Variants in USP40 observed in about 807,000 individuals in gnomAD.
USP40 encodes ubiquitin carboxyl-terminal hydrolase 40.
Under a neutral mutation model 166.2 loss-of-function variants are expected in USP40, and 143 were observed. The observed-to-expected ratio is 0.86, with a 90% confidence interval of 0.75 to 0.99. The LOEUF (loss-of-function observed/expected upper bound fraction) is 0.99. Among genes scored for constraint, USP40 ranks in the 50% least tolerant of loss-of-function variants. The pLI, the probability that USP40 is intolerant of heterozygous loss-of-function variation, is 0.00. For missense variants in USP40, 1,444 were observed against 1,479.7 expected (o/e 0.98, Z 0.40); for synonymous variants, 498 against 524.0 (o/e 0.95, Z 0.68).
chr2:233,541,774 G>C (rs1332943566), intron 9 of USP40, among the ~76,000 whole-genome samples: 1 of 152,138 alleles, frequency 6.6e-6, no homozygotes, highest in Non-Finnish European at 1.5e-5. Context: ...TTATCAGTGA[G>C]TGCTAGGAAT....
chr2:233,549,643 C>CT (rs1273911642), intron 7 of USP40, among the ~76,000 whole-genome samples: 1 of 46,138 alleles, frequency 2.2e-5, no homozygotes, highest in Non-Finnish European at 4.0e-5. Flanking sequence ...AAAATGCATC[C>CT]CCTTTTTTTA....
intron 6 of USP40, among the ~76,000 whole-genome samples, chr2:233,553,148 G>C (rs2070739767): frequency 2.0e-5 from 3 of 152,120 alleles, no homozygotes; most frequent in African/African-American, 7.2e-5. Flanking sequence ...CATAGACATA[G>C]ATACATTTAT....
At position 233,485,986 on chromosome 2, in the gene USP40, GA is replaced by G; in HGVS notation, c.3198-10del. 1 of 1,561,476 alleles carries G rather than the reference GA, an allele frequency of 6.4e-7. No individual in the cohort carries two copies. Among genetic ancestry groups the G allele is most frequent in the Admixed American group, 2.0e-5 (1 of 50,062 alleles). On this transcript the variant is annotated splice_polypyrimidine_tract_variant and intron_variant, in intron 28 of 31. Coordinates refer to ENST00000678225, the MANE Select transcript of USP40 (RefSeq NM_001365479.2). ...GCAGCACGTCCTGGGGGCTGTACCA[GA>G]AAACCGTCAAGCGCCAGATCCAAAC...
intron 30 of USP40, among the ~76,000 whole-genome samples, chr2:233,484,204 A>G (rs534943180): frequency 6.6e-6 from 1 of 152,314 alleles, no homozygotes; most frequent in African/African-American, 2.4e-5. Flanking sequence ...CCTTTGCTCT[A>G]GTGTACGAAT....
At chr2:233,509,194 A>C (rs1220734046) in intron 21 of USP40, among the ~76,000 whole-genome samples, 3 of 152,240 alleles carry the variant, frequency 2.0e-5, no homozygotes, top group African/African-American at 7.2e-5. Flanking sequence ...AAATTTTTTA[A>C]GAAAAAATAT....
rs549938975 is a variant in USP40 at position 233,498,404 on chromosome 2, A to G, written c.2715+144T>C. 39 of 733,456 alleles carry G rather than the reference A, an allele frequency of 5.3e-5. No homozygotes were observed. In the African/African-American group the frequency reaches 6.5e-4, roughly 12 times the overall value. 45.4% of individuals were successfully genotyped at this position (733,456 alleles called of 1,614,324 possible). A position where few individuals can be genotyped will look rare whatever the true frequency, so the allele number is the denominator to read the frequency against. The stretch of plus-strand genomic sequence containing the variant: ...CCCTTTATCAAAAAACTATAGTAAG[A>G]AAAAAGTAAAATAGACCCATTCATA... On this transcript the variant is annotated intron_variant, in intron 23 of 31. Coordinates refer to ENST00000678225, the MANE Select transcript of USP40 (RefSeq NM_001365479.2).
At chr2:233,510,270 CGACTAT>C (rs1018533394) in intron 20 of USP40, 135 bp from the exon 21 acceptor site, 1 of 630,538 alleles carries the variant, frequency 1.6e-6, no homozygotes, top group African/African-American at 1.9e-5. Flanking sequence ...TATGAAAATA[CGACTAT>C]GATTAATGTT....
intron 18 of USP40, among the ~76,000 whole-genome samples, chr2:233,513,267 A>AGCT (rs1480990734): frequency 6.6e-6 from 1 of 152,144 alleles, no homozygotes. Context: ...TCCCAGAGGT[A>AGCT]GCTGCTGCTT....
chr2:233,541,725 G>A (rs2069431817), intron 9 of USP40, among the ~76,000 whole-genome samples: 1 of 152,138 alleles, frequency 6.6e-6, no homozygotes, highest in African/African-American at 2.4e-5. Flanking sequence ...CTTTAAAACA[G>A]CATATTAAAC....
In USP40 at chr2:233,525,399, AAG is replaced by A. The variant is rs2067945583; in HGVS notation, c.1810+77_1810+78del. 4.9e-6 allele frequency: 5 copies of A among 1,017,432 alleles called. No individual in the cohort carries two copies. In the Admixed American group the frequency reaches 9.5e-5, roughly 19 times the overall value. The allele number at this position is 1,017,432 out of a possible 1,614,324, so 63.0% of individuals were successfully genotyped here. On this transcript the variant is annotated intron_variant, in intron 14 of 31. Transcript: ENST00000678225. ...AGTAGTAGGTGGGGAAGGACTGACA[AAG>A]AGTAGAAAATCGCAGGTGAGCCGGA...
At chr2:233,510,721 C>G (rs1000735944) in intron 20 of USP40, among the ~76,000 whole-genome samples, 4 of 151,958 alleles carry the variant, frequency 2.6e-5, no homozygotes, top group Non-Finnish European at 5.9e-5. Context: ...ACTATTTCTT[C>G]TACTATGATC....
intron 2 of USP40, among the ~76,000 whole-genome samples, chr2:233,564,754 CCATTAATCAAGCAGATT>C (rs1438955913): frequency 6.6e-6 from 1 of 152,144 alleles, no homozygotes; most frequent in African/African-American, 2.4e-5. Context: ...GGGCCAGCTT[CCATTAATCAAGCAGATT>C]AATATTCCTG....
At chr2:233,542,933 T>C (rs2069560925) in intron 8 of USP40, among the ~76,000 whole-genome samples, 1 of 152,244 alleles carries the variant, frequency 6.6e-6, no homozygotes. Flanking sequence ...TAATTTGATA[T>C]GTTGAGTTTT....
intron 7 of USP40, among the ~76,000 whole-genome samples, chr2:233,549,556 T>C (rs1263577995): frequency 6.6e-6 from 1 of 152,116 alleles, no homozygotes; most frequent in Non-Finnish European, 1.5e-5. Context: ...GTGAGTCTGT[T>C]GTAGAAATTT....
chr2:233,549,311 C>A, intron 7 of USP40, 82 bp from the exon 8 acceptor site: 1 of 854,658 alleles, frequency 1.2e-6, no homozygotes. Flanking sequence ...ATTTCAACTA[C>A]TGAAATTAAT....
At position 233,561,152 on chromosome 2, in the gene USP40, T is replaced by C. The variant is rs750102545; in HGVS notation, c.268-1228A>G. The C allele has an allele frequency of 1.8e-5, 29 of 1,572,362 alleles. No homozygotes were observed. In the Middle Eastern group the frequency reaches 6.6e-4, roughly 36 times the overall value. The stretch of plus-strand genomic sequence containing the variant: ...CTAAAACACCCCAGTAAATCATAGA[T>C]GTAATACCTTTGCATCGGGTTTATC... On this transcript the variant is annotated intron_variant, in intron 3 of 31. Coordinates refer to ENST00000678225, the MANE Select transcript of USP40 (RefSeq NM_001365479.2).
Position 233,485,589 on chromosome 2 carries a change from T to C in USP40, c.3446A>G (p.Gln1149Arg). ...ATACGGTGCCCCTTGCAAATAATCT[T>C]GTTTTTTTTTCTTTTTCCTCTTGGT... ...QITKRKKKKKQDYLQGAPYYL... is the reference protein window; with the variant it reads ...QITKRKKKKKRDYLQGAPYYL... Residue 1149 changes from glutamine to arginine, a missense_variant, in exon 30 of 32, where the codon CAA becomes CGA. Coordinates refer to ENST00000678225, the MANE Select transcript of USP40 (RefSeq NM_001365479.2). 1 of 1,613,916 alleles carries C rather than the reference T, an allele frequency of 6.2e-7. No individual in the cohort carries two copies. The highest frequency in any genetic ancestry group is 8.5e-7 in the Non-Finnish European group (1 of 1,179,842).
chr2:233,531,317 C>G (rs1421709083), intron 11 of USP40, among the ~76,000 whole-genome samples: 1 of 152,144 alleles, frequency 6.6e-6, no homozygotes, highest in Non-Finnish European at 1.5e-5. Context: ...TCAGTCTTCT[C>G]TTCTTCAGTT....
At chr2:233,554,125 A>T (rs1359065435) in intron 6 of USP40, among the ~76,000 whole-genome samples, 1 of 152,236 alleles carries the variant, frequency 6.6e-6, no homozygotes, top group Non-Finnish European at 1.5e-5. Flanking sequence ...CAGTAATTGC[A>T]AAAAGGAGGG....
Sources: allele counts gnomAD v4.1 joint callset (sites outside exome capture counted in the v4.1 genomes callset), GRCh38; gene constraint gnomAD v4.1.1; transcripts MANE v1.5; gene names NCBI Gene and HGNC (gene_info 2026-07-23, HGNC 2026-07-21).